Variants in MGAT5 observed in about 807,000 individuals in gnomAD.
MGAT5 encodes the protein alpha-1,6-mannosylglycoprotein 6-beta-N-acetylglucosaminyltransferase.
Under a neutral mutation model 94.3 loss-of-function variants are expected in MGAT5, and 30 were observed. That is an observed-to-expected ratio of 0.32 (90% confidence interval 0.24 to 0.43). The LOEUF is 0.43. Among genes scored for constraint, MGAT5 ranks in the 20% least tolerant of loss-of-function variants. The probability of loss-of-function intolerance (pLI) is 1.00; values close to 1 mark genes in which losing one functional copy is unlikely to be tolerated. For synonymous variants in MGAT5, 310 were observed against 322.9 expected (o/e 0.96, Z 0.43); for missense variants, 691 against 905.5 (o/e 0.76, Z 3.04).
At chr2:134,426,217 C>G (rs904274212) in intron 13 of MGAT5, among the ~76,000 whole-genome samples, 34 of 152,106 alleles carry the variant, frequency 2.2e-4, no homozygotes, top group African/African-American at 8.0e-4. Context: ...TTCCTTCCTT[C>G]CTTCCTTCCT....
intron 1 of MGAT5, among the ~76,000 whole-genome samples, chr2:134,138,563 G>A (rs16830105): frequency 0.2 from 30,386 of 152,110 alleles, 4,155 homozygotes; most frequent in African/African-American, 0.4. Flanking sequence ...CAAAAGGTGA[G>A]GACCTCACAC....
At chr2:134,137,779 A>G (rs1686480202) in intron 1 of MGAT5, among the ~76,000 whole-genome samples, 1 of 151,758 alleles carries the variant, frequency 6.6e-6, no homozygotes, top group Admixed American at 6.6e-5. Flanking sequence ...GTTATTGGTC[A>G]GTTTTATTAT....
intron 6 of MGAT5, among the ~76,000 whole-genome samples, chr2:134,340,062 G>A (rs1688540802): frequency 3.3e-5 from 5 of 152,144 alleles, no homozygotes; most frequent in Non-Finnish European, 4.4e-5. Flanking sequence ...TGGATGGTAG[G>A]ATTGGTGATG....
intron 4 of MGAT5, among the ~76,000 whole-genome samples, chr2:134,325,584 T>C (rs1215683152): frequency 6.6e-6 from 1 of 152,152 alleles, no homozygotes; most frequent in African/African-American, 2.4e-5. Flanking sequence ...TAAAACATAC[T>C]GTACAACTAT....
chr2:134,448,608 C>T (rs371704277), intron 15 of MGAT5, 41 bp from the exon 16 acceptor site: 1 of 1,588,144 alleles, frequency 6.3e-7, no homozygotes, highest in Non-Finnish European at 8.6e-7. Context: ...AAGGCTCTGT[C>T]CCTTCATCAC....
chr2:134,415,574 T>C (rs192564381), intron 12 of MGAT5, among the ~76,000 whole-genome samples: 1 of 152,340 alleles, frequency 6.6e-6, no homozygotes, highest in East Asian at 1.9e-4. Context: ...ATAGGTTGCC[T>C]TTTCACTCTA....
chr2:134,446,293 C>T (rs763304748), intron 15 of MGAT5, among the ~76,000 whole-genome samples: 1 of 151,516 alleles, frequency 6.6e-6, no homozygotes, highest in Non-Finnish European at 1.5e-5. Context: ...ACCCAGGGAG[C>T]GAGCAGGAGG....
intron 11 of MGAT5, among the ~76,000 whole-genome samples, chr2:134,405,706 C>T (rs1427948006): frequency 6.6e-6 from 1 of 152,220 alleles, no homozygotes; most frequent in East Asian, 1.9e-4. Context: ...CTGACCTCCT[C>T]AAGAGAGTTA....
intron 2 of MGAT5, among the ~76,000 whole-genome samples, chr2:134,292,221 A>G (rs1685411322): frequency 6.6e-6 from 1 of 152,192 alleles, no homozygotes; most frequent in Non-Finnish European, 1.5e-5. Flanking sequence ...AACTGAGTGT[A>G]CCTCAGGGAA....
At chr2:134,145,078 C>T (rs575751130) in intron 1 of MGAT5, among the ~76,000 whole-genome samples, 4 of 152,194 alleles carry the variant, frequency 2.6e-5, no homozygotes, top group African/African-American at 4.8e-5. Context: ...ATCCCAACCC[C>T]CACCTTGGTC....
chr2:134,247,084 A>G (rs1441728441), intron 1 of MGAT5, among the ~76,000 whole-genome samples: 3 of 152,206 alleles, frequency 2.0e-5, no homozygotes, highest in Non-Finnish European at 2.9e-5. Context: ...TATTCATCCA[A>G]TTATGAATGG....
chr2:134,303,813 A>G (rs574047006), intron 2 of MGAT5, among the ~76,000 whole-genome samples: 9 of 152,282 alleles, frequency 5.9e-5, no homozygotes, highest in African/African-American at 2.2e-4. Context: ...ACTACTATGC[A>G]AAACTTCATT....
At chr2:134,356,286 A>G (rs961377819) in intron 9 of MGAT5, among the ~76,000 whole-genome samples, 1 of 151,670 alleles carries the variant, frequency 6.6e-6, no homozygotes, top group Non-Finnish European at 1.5e-5. Context: ...GAACTTTCCC[A>G]TTTCACCTTC....
intron 1 of MGAT5, among the ~76,000 whole-genome samples, chr2:134,150,728 C>G (rs1367753256): frequency 6.6e-6 from 1 of 152,170 alleles, no homozygotes; most frequent in African/African-American, 2.4e-5. Flanking sequence ...CATTGAAGAC[C>G]TGGATGCTTT....
At chr2:134,387,319 TATATATATATA>T (rs1231288680) in intron 10 of MGAT5, among the ~76,000 whole-genome samples, 16 of 50,352 alleles carry the variant, frequency 3.2e-4, no homozygotes, top group Admixed American at 1.3e-3. Context: ...TATATATATA[TATATATATATA>T]TATTTTTTTT....
At chr2:134,353,691 G>A (rs909138014) in intron 9 of MGAT5, among the ~76,000 whole-genome samples, 5 of 152,268 alleles carry the variant, frequency 3.3e-5, no homozygotes, top group African/African-American at 7.2e-5. Context: ...GAAAATGAGC[G>A]TTATAAAACT....
chr2:134,388,569 A>G (rs1682179205), intron 10 of MGAT5, among the ~76,000 whole-genome samples: 1 of 152,206 alleles, frequency 6.6e-6, no homozygotes, highest in African/African-American at 2.4e-5. Flanking sequence ...TGCAAATAAG[A>G]TCCACACATT....
chr2:134,137,858 A>G (rs981462378), intron 1 of MGAT5, among the ~76,000 whole-genome samples: 1 of 151,736 alleles, frequency 6.6e-6, no homozygotes, highest in Non-Finnish European at 1.5e-5. Context: ...CAAGTTTATC[A>G]ATGAAGGGAT....
intron 13 of MGAT5, among the ~76,000 whole-genome samples, chr2:134,423,304 G>A (rs1684399226): frequency 1.3e-5 from 2 of 152,214 alleles, no homozygotes; most frequent in South Asian, 4.1e-4. Flanking sequence ...TGTTTTTATA[G>A]AACATCTGTT....
Sources: allele counts gnomAD v4.1 joint callset (sites outside exome capture counted in the v4.1 genomes callset), GRCh38; gene constraint gnomAD v4.1.1; transcripts MANE v1.5; gene names NCBI Gene and HGNC (gene_info 2026-07-23, HGNC 2026-07-21).